CNTNAP2: variants seen among roughly 807,000 people sequenced by gnomAD.
CNTNAP2 encodes the protein contactin-associated protein-like 2.
A neutral mutation model predicts 155.2 loss-of-function variants in CNTNAP2; 98 were observed. The ratio of observed to expected loss-of-function variants is 0.63; its 90% CI spans 0.54 to 0.75. CNTNAP2 has a LOEUF of 0.75. Ranked by LOEUF, CNTNAP2 falls within the 30% of genes least tolerant of loss-of-function variation. The pLI is 0.00. For missense variants in CNTNAP2, 1,727 were observed against 1,688.1 expected (o/e 1.02, Z -0.40); for synonymous variants, 651 against 631.2 (o/e 1.03, Z -0.47).
chr7:148,201,633 A>C (rs1031162759), intron 18 of CNTNAP2, among the ~76,000 whole-genome samples: 1 of 152,160 alleles, frequency 6.6e-6, no homozygotes, highest in African/African-American at 2.4e-5. Context: ...GTGAAGCTGA[A>C]GCCAGTTTTG....
At chr7:148,330,045 G>A (rs149644560) in intron 21 of CNTNAP2, among the ~76,000 whole-genome samples, 1 of 152,344 alleles carries the variant, frequency 6.6e-6, no homozygotes, top group East Asian at 1.9e-4. Flanking sequence ...ATGGATGAAA[G>A]ACATGGAAGG....
Position 146,839,720 on chromosome 7 carries a change from G to A in CNTNAP2, c.218G>A (p.Gly73Glu). Reference sequence around the variant, plus strand: ...CTCTGCCCATCTTCAGGTGCTGGGGGATGGTCTCCATCAGACAGCGACCAT... The same window carrying A: ...CTCTGCCCATCTTCAGGTGCTGGGGAATGGTCTCCATCAGACAGCGACCAT... ...AKINKRGGAG[G>E]WSPSDSDHYQ... The change falls in exon 3 of 24, where the codon GGA becomes GAA. Residue 73 changes from glycine to glutamate, a missense_variant. By Grantham distance (98) the Gly-to-Glu change is moderately conservative. Transcript: ENST00000361727. The A allele has an allele frequency of 6.2e-7, 1 of 1,614,124 alleles. No homozygotes were observed. The highest frequency in any genetic ancestry group is 8.5e-7 in the Non-Finnish European group (1 of 1,180,010).
chr7:146,843,375 G>GTGGGGAT (rs1371627905), intron 3 of CNTNAP2, among the ~76,000 whole-genome samples: 198 of 152,102 alleles, frequency 1.3e-3, no homozygotes, highest in African/African-American at 4.3e-3. Flanking sequence ...AGATCAACAA[G>GTGGGGAT]CGGGAAGTCC....
chr7:147,907,391 G>T (rs1799981281), intron 14 of CNTNAP2, among the ~76,000 whole-genome samples: 1 of 152,138 alleles, frequency 6.6e-6, no homozygotes, highest in South Asian at 2.1e-4. Context: ...TCTTAAAATG[G>T]TCTTCCCTTT....
intron 3 of CNTNAP2, among the ~76,000 whole-genome samples, chr7:146,934,074 A>C (rs1404207584): frequency 6.6e-6 from 1 of 152,166 alleles, no homozygotes; most frequent in African/African-American, 2.4e-5. Flanking sequence ...CATTTGACCC[A>C]GCCATCCTAT....
intron 3 of CNTNAP2, among the ~76,000 whole-genome samples, chr7:146,884,540 G>A (rs1235173478): frequency 6.6e-6 from 1 of 152,108 alleles, no homozygotes; most frequent in Non-Finnish European, 1.5e-5. Context: ...TCAGCTATGG[G>A]TTAGATGCTG....
chr7:148,109,918 C>A (rs561717915), intron 15 of CNTNAP2, among the ~76,000 whole-genome samples: 2 of 152,172 alleles, frequency 1.3e-5, no homozygotes, highest in Non-Finnish European at 2.9e-5. Context: ...GGACTAATGA[C>A]CCTTGTCTCC....
chr7:146,396,721 G>A (rs1233196920), intron 1 of CNTNAP2, among the ~76,000 whole-genome samples: 2 of 150,050 alleles, frequency 1.3e-5, no homozygotes, highest in African/African-American at 2.5e-5. Flanking sequence ...ATATATATGT[G>A]TATATATATG....
chr7:146,334,848 C>T lies in CNTNAP2; in HGVS notation c.97+217875C>T, dbSNP rs553141339. On this transcript the variant is annotated intron_variant, in intron 1 of 23. Transcript: ENST00000361727. ...CACTTCAGTTATCAGTATTATTCCT[C>T]ATTGCTTCCCTGCACATGTAGGTTA... is the stretch of plus-strand genomic sequence containing the variant. Among the ~76,000 whole-genome samples the T allele has an allele frequency of 2.0e-5, 3 of 152,318 alleles. No homozygotes were observed. The East Asian group carries it at 5.8e-4, about 29-fold the overall frequency.
At chr7:147,788,773 G>C (rs1042313697) in intron 13 of CNTNAP2, among the ~76,000 whole-genome samples, 1 of 151,738 alleles carries the variant, frequency 6.6e-6, no homozygotes, top group Non-Finnish European at 1.5e-5. Context: ...GGATGCAGCG[G>C]TGACGCAGCC....
At chr7:147,007,189 G>A (rs768546959) in intron 3 of CNTNAP2, among the ~76,000 whole-genome samples, 11 of 152,102 alleles carry the variant, frequency 7.2e-5, no homozygotes, top group Non-Finnish European at 1.3e-4. Context: ...GCACATGCTC[G>A]CTACTGGGGA....
At chr7:146,593,611 A>G (rs1798815411) in intron 1 of CNTNAP2, among the ~76,000 whole-genome samples, 1 of 152,234 alleles carries the variant, frequency 6.6e-6, no homozygotes, top group South Asian at 2.1e-4. Context: ...AGTACTCATT[A>G]AATGTTTTGG....
chr7:148,173,869 G>A (rs147137604), intron 18 of CNTNAP2, among the ~76,000 whole-genome samples: 53 of 152,294 alleles, frequency 3.5e-4, no homozygotes, highest in Non-Finnish European at 4.3e-4. Flanking sequence ...TAATGCCTGC[G>A]AGATTCCACT....
chr7:148,327,028 G>A (rs117918242), intron 21 of CNTNAP2, among the ~76,000 whole-genome samples: 3,642 of 152,282 alleles, frequency 0.024, 68 homozygotes, highest in Non-Finnish European at 0.035. Context: ...GGTTTGCAAC[G>A]GGCTCGCAGT....
intron 8 of CNTNAP2, among the ~76,000 whole-genome samples, chr7:147,279,965 GTC>G (rs751089322): frequency 1.3e-5 from 2 of 151,876 alleles, no homozygotes; most frequent in Non-Finnish European, 2.9e-5. Flanking sequence ...CTTAAATTCT[GTC>G]TGCAGAGCAC....
At chr7:146,160,443 T>C (rs1407167418) in intron 1 of CNTNAP2, among the ~76,000 whole-genome samples, 1 of 151,996 alleles carries the variant, frequency 6.6e-6, no homozygotes, top group African/African-American at 2.4e-5. Flanking sequence ...GATAGACTGC[T>C]AGCAAGACTG....
At chr7:148,135,470 C>A (rs1446135024) in intron 16 of CNTNAP2, among the ~76,000 whole-genome samples, 1 of 152,170 alleles carries the variant, frequency 6.6e-6, no homozygotes, top group Non-Finnish European at 1.5e-5. Context: ...AGCATACTAT[C>A]TATTTTAAGT....
chr7:147,778,160 G>A (rs1480970169), intron 13 of CNTNAP2, among the ~76,000 whole-genome samples: 1 of 152,082 alleles, frequency 6.6e-6, no homozygotes, highest in Non-Finnish European at 1.5e-5. Flanking sequence ...TACATGTTTA[G>A]TTTTCAATTT....
chr7:146,556,089 T>C lies in CNTNAP2; in HGVS notation c.98-218182T>C, dbSNP rs543639733. Among the ~76,000 whole-genome samples the C allele has an allele frequency of 1.5e-3, 226 of 152,324 alleles. 1 individual carries two copies. The highest frequency in any genetic ancestry group is 1.3e-3 in the Non-Finnish European group (91 of 68,016). ...GCAACGTTTATTGGATTCCAACAAA[T>C]ATTCTTTCAACAAATACACAAAGAA... On this transcript the variant is annotated intron_variant, in intron 1 of 23. Transcript: ENST00000361727.
Sources: gnomAD v4.1 joint callset for allele counts (sites outside exome capture counted in the v4.1 genomes callset) on GRCh38, gnomAD v4.1.1 for gene constraint, MANE v1.5 for transcripts, NCBI Gene and HGNC (gene_info 2026-07-23, HGNC 2026-07-21) for gene names.